ATPAF1: variants seen among roughly 807,000 people sequenced by gnomAD.
ATPAF1 encodes homolog of yeast ATP11.
ATPAF1 carries 26 observed loss-of-function variants against 43.9 expected under a neutral mutation model. That is an observed-to-expected ratio of 0.59 (90% CI 0.43 to 0.82). The LOEUF (loss-of-function observed/expected upper bound fraction) is 0.82. ATPAF1 is among the 40% of genes least tolerant of loss of function. ATPAF1 has a pLI of 0.00. For missense variants in ATPAF1, 366 were observed against 435.0 expected (o/e 0.84, Z 1.41); for synonymous variants, 157 against 168.0 (o/e 0.93, Z 0.50).
chr1:46,666,573 A>C (rs1676495000), intron 1 of ATPAF1, among the ~76,000 whole-genome samples: 1 of 152,270 alleles, frequency 6.6e-6, no homozygotes, highest in Non-Finnish European at 1.5e-5. Flanking sequence ...AACAGGTATT[A>C]TGATGAAAAT....
At chr1:46,665,396 C>T in intron 1 of ATPAF1, 32 bp from the exon 2 acceptor site, 1 of 1,597,578 alleles carries the variant, frequency 6.3e-7, no homozygotes, top group Non-Finnish European at 8.6e-7. Flanking sequence ...GGTAAACCAA[C>T]TGGGCCTTTT....
At chr1:46,668,370 G>A (rs1332086902), upstream of ATPAF1, 5 of 1,266,278 alleles carry the variant, frequency 3.9e-6, no homozygotes, top group Admixed American at 3.9e-5. This position sits in a 1 kb window ranked among gnomAD's most constrained non-coding sequence, Gnocchi z 4.4. Context: ...GCCTCGGCCC[G>A]CGGCCCGCGC....
At chr1:46,636,889 C>T (rs532515631) in intron 8 of ATPAF1, among the ~76,000 whole-genome samples, 3 of 152,248 alleles carry the variant, frequency 2.0e-5, no homozygotes, top group East Asian at 1.9e-4. Context: ...TGGAGAAACA[C>T]GACAAAGACA....
At chr1:46,637,893 G>A (rs1052260934) in intron 8 of ATPAF1, among the ~76,000 whole-genome samples, 3 of 152,212 alleles carry the variant, frequency 2.0e-5, no homozygotes, top group Non-Finnish European at 4.4e-5. Flanking sequence ...CAAGGTCACA[G>A]CCAGGACTAG....
At chr1:46,656,998 A>ATG (rs1419724274) in intron 4 of ATPAF1, among the ~76,000 whole-genome samples, 1 of 152,218 alleles carries the variant, frequency 6.6e-6, no homozygotes, top group African/African-American at 2.4e-5. Context: ...AAGGAAACCC[A>ATG]TGGCAACTGG....
At chr1:46,668,462 T>A, upstream of ATPAF1, 1 of 1,060,302 alleles carries the variant, frequency 9.4e-7, no homozygotes, top group Non-Finnish European at 1.2e-6. This position sits in a 1 kb window ranked among gnomAD's most constrained non-coding sequence, Gnocchi z 4.4. Context: ...GGGCGCGGGA[T>A]AGCGGCGAGG....
intron 8 of ATPAF1, among the ~76,000 whole-genome samples, chr1:46,640,733 A>C (rs1402064239): frequency 6.6e-6 from 1 of 152,268 alleles, no homozygotes; most frequent in Non-Finnish European, 1.5e-5. Context: ...TATAACAAGC[A>C]GTGGGCTGGA....
At chr1:46,654,661 A>T (rs1409732323) in intron 4 of ATPAF1, among the ~76,000 whole-genome samples, 3 of 151,860 alleles carry the variant, frequency 2.0e-5, no homozygotes, top group African/African-American at 7.2e-5. Context: ...ATTTACTTTA[A>T]GTATTTCTCC....
chr1:46,668,245 C>T lies in ATPAF1; in HGVS notation c.78G>A (p.Leu26=). Residue 26 remains leucine, a synonymous_variant, in exon 1 of 9, where the codon CTG becomes CTA. Transcript: ENST00000574428. The surrounding 1 kb of genome is among the most constrained non-coding windows in gnomAD (Gnocchi z 4.4). ...CCAGGGCGCGGCTGCGCACCGCGCA[C>T]AGGCCCCGGTAGAGACCGGCCACCT... The T allele has an allele frequency of 7.3e-7, 1 of 1,374,672 alleles. No individual in the cohort carries two copies. Among genetic ancestry groups the T allele is most frequent in the Non-Finnish European group, 9.4e-7 (1 of 1,061,912 alleles). 85.2% of individuals were successfully genotyped at this position (1,374,672 alleles called of 1,614,324 possible).
chr1:46,636,663 T>G (rs1232278529), intron 8 of ATPAF1, among the ~76,000 whole-genome samples: 1 of 151,674 alleles, frequency 6.6e-6, no homozygotes, highest in Non-Finnish European at 1.5e-5. Context: ...GAGCCTGTAG[T>G]CCCAGCTACT....
chr1:46,652,269 T>C (rs181070708), intron 6 of ATPAF1, among the ~76,000 whole-genome samples: 2 of 151,304 alleles, frequency 1.3e-5, no homozygotes, highest in East Asian at 3.9e-4. Flanking sequence ...AACGCACTTG[T>C]ACCGATAGAT....
rs539031995 is a variant in ATPAF1, at chr1:46,664,015, A to G, written c.375+1241T>C. ...AAAAGATGAAAGAGAATAAAAAGTAATAAGAATGGACTGCATGTTGTAAAA... is the reference window on the plus strand; with the variant it reads ...AAAAGATGAAAGAGAATAAAAAGTAGTAAGAATGGACTGCATGTTGTAAAA... On this transcript the variant is annotated intron_variant, in intron 2 of 8. Transcript: ENST00000574428. The G allele has an allele frequency of 3.2e-4, 234 of 732,994 alleles. 1 individual carries two copies. In the African/African-American group the frequency reaches 3.4e-3, roughly 11 times the overall value. The allele number at this position is 732,994 out of a possible 1,614,324, so 45.4% of individuals were successfully genotyped here. A position where few individuals can be genotyped will look rare whatever the true frequency, so the allele number is the denominator to read the frequency against.
intron 2 of ATPAF1, among the ~76,000 whole-genome samples, chr1:46,659,438 A>C (rs1167797837): frequency 1.3e-5 from 2 of 152,136 alleles, no homozygotes; most frequent in Admixed American, 1.3e-4. Flanking sequence ...GGGAGAGGTA[A>C]GAAATGGAAA....
Position 46,643,041 on chromosome 1 carries a change from T to C in ATPAF1, c.792+153A>G, listed in dbSNP as rs544796399. ...TGTACTAACTTCAAATTGGAAGATCTTGAGCAAGACAACTTCACTGTCAAC... is the reference window on the plus strand; with the variant it reads ...TGTACTAACTTCAAATTGGAAGATCCTGAGCAAGACAACTTCACTGTCAAC... On this transcript the variant is annotated intron_variant, in intron 8 of 8. Transcript: ENST00000574428. Among the ~76,000 whole-genome samples the C allele has an allele frequency of 3.6e-4, 55 of 152,366 alleles. No individual in the cohort carries two copies. In the South Asian group the frequency reaches 0.011, roughly 32 times the overall value.
intron 4 of ATPAF1, among the ~76,000 whole-genome samples, chr1:46,654,780 A>G (rs563663039): frequency 6.6e-6 from 1 of 152,116 alleles, no homozygotes; most frequent in South Asian, 2.1e-4. Context: ...TATGAGTGAG[A>G]ACATGCGGTG....
intron 2 of ATPAF1, chr1:46,664,453 C>G (rs937585709): frequency 6.6e-6 from 1 of 152,434 alleles, no homozygotes; most frequent in Non-Finnish European, 1.5e-5. Context: ...AGAGCCCATC[C>G]TCTTAGCAGC....
intron 8 of ATPAF1, among the ~76,000 whole-genome samples, chr1:46,641,728 T>C (rs1675954358): frequency 6.6e-6 from 1 of 152,168 alleles, no homozygotes; most frequent in Admixed American, 6.5e-5. Context: ...AATTTTAGCT[T>C]CCAGGGCATT....
intron 7 of ATPAF1, among the ~76,000 whole-genome samples, chr1:46,643,801 G>A (rs1933933): frequency 0.25 from 38,068 of 151,990 alleles, 5,023 homozygotes; most frequent in East Asian, 0.35. Flanking sequence ...CTGGGTTGGT[G>A]GGGGGTGAAG....
intron 4 of ATPAF1, among the ~76,000 whole-genome samples, chr1:46,657,854 G>A (rs1197592132): frequency 1.3e-5 from 2 of 152,188 alleles, no homozygotes; most frequent in Non-Finnish European, 2.9e-5. Flanking sequence ...GAAAGGTAGT[G>A]CAGTAATCCA....
Sources: allele counts gnomAD v4.1 joint callset (sites outside exome capture counted in the v4.1 genomes callset), GRCh38; gene constraint gnomAD v4.1.1; non-coding constraint Gnocchi (gnomAD v3.1); transcripts MANE v1.5; gene names NCBI Gene and HGNC (gene_info 2026-07-23, HGNC 2026-07-21).